RNH1: variants seen among roughly 807,000 people sequenced by gnomAD.
RNH1 encodes ribonuclease inhibitor.
A neutral mutation model predicts 46.1 loss-of-function variants in RNH1; 38 were observed. The ratio of observed to expected loss-of-function variants is 0.82; its 90% CI spans 0.64 to 1.08. The LOEUF (loss-of-function observed/expected upper bound fraction) is 1.08. RNH1 is among the 50% of genes least tolerant of loss of function. The probability of loss-of-function intolerance (pLI) is 0.00; values close to 1 mark genes in which losing one functional copy is unlikely to be tolerated. For missense variants in RNH1, 577 were observed against 590.7 expected (o/e 0.98, Z 0.24); for synonymous variants, 319 against 279.1 (o/e 1.14, Z -1.43).
chr11:502,333 C>T lies in RNH1; in HGVS notation c.-87-84G>A. 1.6e-6 allele frequency: 1 copy of T among 634,134 alleles called. No individual in the cohort carries two copies. Among genetic ancestry groups the T allele is most frequent in the African/African-American group, 1.8e-5 (1 of 55,484 alleles). The allele number at this position is 634,134 out of a possible 1,614,324, so 39.3% of individuals were successfully genotyped here. A position where few individuals can be genotyped will look rare whatever the true frequency, so the allele number is the denominator to read the frequency against. On this transcript the variant is annotated intron_variant, in intron 2 of 10. Transcript: ENST00000354420. The surrounding 1 kb of genome is among the most constrained non-coding windows in gnomAD (Gnocchi z 5.8). ...AAACACTTCCTCTTCAGCACCCTCC[C>T]CACCTTTGTCTCTGGAGCAGACATC...
Position 499,132 on chromosome 11 carries a change from A to G in RNH1, c.497T>C (p.Leu166Pro). ...CTCCTTGAAGTCCGGCTTGGCCCTG[A>G]GCACGGAGGCCAGGGGCTCGCAGCT... Reference protein sequence around the residue: ...AASCEPLASVLRAKPDFKELT... With the variant: ...AASCEPLASVPRAKPDFKELT... Residue 166 changes from leucine (L) to proline (P), a missense_variant, in exon 6 of 11, where the codon CTC becomes CCC. By Grantham distance (98) the Leu-to-Pro change is moderately conservative. Coordinates refer to ENST00000354420, the MANE Select transcript of RNH1 (RefSeq NM_203387.3). The G allele has an allele frequency of 6.2e-7, 1 of 1,613,298 alleles. No homozygotes were observed. Among genetic ancestry groups the G allele is most frequent in the Non-Finnish European group, 8.5e-7 (1 of 1,179,938 alleles).
chr11:506,199 G>A (rs1411861271), intron 1 of RNH1: 1 of 152,200 alleles, frequency 6.6e-6, no homozygotes, highest in Non-Finnish European at 1.5e-5. Context: ...ATTCGGTTTA[G>A]TCAGCCAATC....
Position 498,378 on chromosome 11 carries a change from G to A in RNH1, c.956+79C>T, listed in dbSNP as rs566178389. 149 of 1,544,270 alleles carry A rather than the reference G, an allele frequency of 9.6e-5. No homozygotes were observed. In the African/African-American group the frequency reaches 1.6e-3, roughly 17 times the overall value. ...TGAGCCCAGCAGCTTCCCTGGAGTCGCTCACTCCTCCCCTGGTCTCCTCGG... is the reference window on the plus strand; with the variant it reads ...TGAGCCCAGCAGCTTCCCTGGAGTCACTCACTCCTCCCCTGGTCTCCTCGG... On this transcript the variant is annotated intron_variant, in intron 8 of 10. Transcript: ENST00000354420.
In RNH1 at chr11:499,547, A is replaced by T. The variant is rs61876345; in HGVS notation, c.443+282T>A. Reference sequence around the variant, plus strand: ...GGTGAGTGGAACCTGACTCACGGCCAGGCATCTGTTCCCACCGTCGGGTCC... The same window carrying T: ...GGTGAGTGGAACCTGACTCACGGCCTGGCATCTGTTCCCACCGTCGGGTCC... On this transcript the variant is annotated intron_variant, in intron 5 of 10. Transcript: ENST00000354420. 109 of 699,862 alleles carry T rather than the reference A, an allele frequency of 1.6e-4. 1 individual carries two copies. Among genetic ancestry groups the T allele is most frequent in the Non-Finnish European group, 2.5e-4 (98 of 384,704 alleles). The allele number at this position is 699,862 out of a possible 1,614,324, so 43.4% of individuals were successfully genotyped here. A position where few individuals can be genotyped will look rare whatever the true frequency, so the allele number is the denominator to read the frequency against.
At position 494,523 on chromosome 11, in the gene RNH1, A is replaced by C; in HGVS notation, c.*168T>G. On this transcript the variant is annotated 3_prime_UTR_variant, in exon 11 of 11. Transcript: ENST00000354420. ...AGGACAAGAGCCTCTCCTGCCAAGA[A>C]AGTGCTTTAATGATTATAAAGTGTC... is the stretch of plus-strand genomic sequence containing the variant. 1.5e-6 allele frequency: 1 copy of C among 665,768 alleles called. No individual in the cohort carries two copies. The allele number at this position is 665,768 out of a possible 1,614,324, so 41.2% of individuals were successfully genotyped here.
intron 9 of RNH1, 31 bp from the exon 10 acceptor site, chr11:495,084 C>G: frequency 7.5e-6 from 12 of 1,590,528 alleles, no homozygotes; most frequent in East Asian, 2.3e-5. Context: ...GTCAGGGTGC[C>G]GGGCGTGCCT....
chr11:496,306 GGCTC>G (rs1332274265), intron 9 of RNH1, among the ~76,000 whole-genome samples: 1 of 152,176 alleles, frequency 6.6e-6, no homozygotes, highest in Non-Finnish European at 1.5e-5. Flanking sequence ...GGCTGAGGCA[GGCTC>G]ATCACTTGAG....
rs1401946650 is a variant in RNH1 at position 497,894 on chromosome 11, G to A, written c.1127+77C>T. 8.6e-6 allele frequency: 13 copies of A among 1,512,730 alleles called. No homozygotes were observed. In the Admixed American group the frequency reaches 9.3e-5, roughly 11 times the overall value. 93.7% of individuals were successfully genotyped at this position (1,512,730 alleles called of 1,614,324 possible). On this transcript the variant is annotated intron_variant, in intron 9 of 10. Transcript: ENST00000354420. Reference sequence around the variant, plus strand: ...GACACTCGTGCTCACACAGATACTCGTGCACTCTCGCCCTTGTGTGCACAC... The same window carrying A: ...GACACTCGTGCTCACACAGATACTCATGCACTCTCGCCCTTGTGTGCACAC...
At chr11:503,773 C>G (rs530908079) in intron 2 of RNH1, among the ~76,000 whole-genome samples, 3 of 152,134 alleles carry the variant, frequency 2.0e-5, no homozygotes, top group Non-Finnish European at 2.9e-5. Context: ...CTCAGGGTGG[C>G]CAGTGCTCCC....
At chr11:496,678 CAAAAT>C (rs1268901784) in intron 9 of RNH1, among the ~76,000 whole-genome samples, 2 of 151,966 alleles carry the variant, frequency 1.3e-5, no homozygotes, top group African/African-American at 2.4e-5. Flanking sequence ...AAAAAACAAA[CAAAAT>C]AAAATTAGCC....
chr11:497,110 CGTGCTCACTCGCCCAT>C (rs1849160451), intron 9 of RNH1, among the ~76,000 whole-genome samples: 2 of 146,158 alleles, frequency 1.4e-5, no homozygotes, highest in Non-Finnish European at 3.0e-5. Flanking sequence ...GCCACACTCA[CGTGCTCACTCGCCCAT>C]GTGCTCACAC....
intron 6 of RNH1, 24 bp downstream of exon 6, chr11:498,991 A>AC (rs754556259): frequency 2.2e-5 from 36 of 1,604,468 alleles, no homozygotes; most frequent in South Asian, 8.8e-5. Context: ...CACACCCCGC[A>AC]CCCCCCCAAG....
intron 4 of RNH1, 150 bp downstream of exon 4, chr11:500,334 C>T (rs1013750615): frequency 2.8e-5 from 27 of 949,926 alleles, no homozygotes; most frequent in Middle Eastern, 3.3e-4. Flanking sequence ...GACCGCCAGG[C>T]CTGTGTGCCT....
chr11:498,685 G>A (rs1191302957), intron 7 of RNH1, 58 bp from the exon 8 acceptor site: 3 of 1,601,200 alleles, frequency 1.9e-6, no homozygotes, highest in Non-Finnish European at 2.6e-6. Context: ...CCTGAGATGA[G>A]CCCAGGGGCG....
intron 2 of RNH1, among the ~76,000 whole-genome samples, chr11:504,121 G>A (rs1045099278): frequency 1.3e-5 from 2 of 152,220 alleles, no homozygotes; most frequent in Non-Finnish European, 2.9e-5. Context: ...CAGCACCCAA[G>A]GCCTGGGCCC....
rs577374188 is a variant in RNH1 at position 497,472 on chromosome 11, C to T, written c.1127+499G>A. On this transcript the variant is annotated intron_variant, in intron 9 of 10. Transcript: ENST00000354420. ...GCTCACACACACTCGTGCTCCCTCT[C>T]GCCCATGTGCTCACACTCACACGGA... 2.7e-5 allele frequency among the ~76,000 whole-genome samples: 4 copies of T among 149,812 alleles called. No individual in the cohort carries two copies. In the South Asian group the frequency reaches 6.4e-4, roughly 24 times the overall value.
rs1182584312 is a variant in RNH1 at position 502,226 on chromosome 11, TCA to T, written c.-66_-65del. ...AAGAGGACGTCTTGGCCGAATCCCC[TCA>T]CAGTTTCACAGGCCGGAGATTCTGC... On this transcript the variant is annotated 5_prime_UTR_variant, in exon 3 of 11. Transcript: ENST00000354420. The surrounding 1 kb of genome is among the most constrained non-coding windows in gnomAD (Gnocchi z 5.8). 30 of 1,242,772 alleles carry T rather than the reference TCA, an allele frequency of 2.4e-5. No homozygotes were observed. The highest frequency in any genetic ancestry group is 3.2e-5 in the Non-Finnish European group (28 of 867,850). The allele number at this position is 1,242,772 out of a possible 1,614,324, so 77.0% of individuals were successfully genotyped here.
In RNH1 at chr11:500,634, G is replaced by A. The variant is rs746459533; in HGVS notation, c.122C>T (p.Thr41Met). Residue 41 changes from threonine (T) to methionine (M), a missense_variant, in exon 4 of 11, where the codon ACG becomes ATG. Thr to Met is a moderately conservative substitution (Grantham distance 81, BLOSUM62 -1). Transcript: ENST00000354420. ...QVVRLDDCGL[T>M]EARCKDISSA... ...GCTGATGTCCTTGCACCGTGCTTCC[G>A]TGAGGCCACAGTCGTCCAGCCTGTG... 2.8e-5 allele frequency: 45 copies of A among 1,606,990 alleles called. No individual in the cohort carries two copies. The highest frequency in any genetic ancestry group is 9.3e-5 in the African/African-American group (7 of 75,050).
chr11:498,287 G>A lies in RNH1; in HGVS notation c.957-146C>T, dbSNP rs1167855549. 5.6e-6 allele frequency: 7 copies of A among 1,249,884 alleles called. No individual in the cohort carries two copies. The African/African-American group carries it at 7.5e-5, about 13-fold the overall frequency. The allele number at this position is 1,249,884 out of a possible 1,614,324, so 77.4% of individuals were successfully genotyped here. A position where few individuals can be genotyped will look rare whatever the true frequency, so the allele number is the denominator to read the frequency against. ...AGTGGGCACCTACACCTGGTCCTTG[G>A]CCCCAAGCACTGTTCCCATCAAACC... On this transcript the variant is annotated intron_variant, in intron 8 of 10. Transcript: ENST00000354420.
Sources: gnomAD v4.1 joint callset for allele counts (sites outside exome capture counted in the v4.1 genomes callset) on GRCh38, gnomAD v4.1.1 for gene constraint, Gnocchi (gnomAD v3.1) non-coding constraint, MANE v1.5 for transcripts, NCBI Gene and HGNC (gene_info 2026-07-23, HGNC 2026-07-21) for gene names.